The following WNK2 variants were observed in gnomAD, a reference collection of about 807,000 sequenced individuals.
WNK2 encodes serine/threonine-protein kinase WNK2.
In WNK2, 67 loss-of-function variants were observed where a neutral mutation model predicts 192.1. The observed-to-expected ratio is 0.35, with a 90% CI of 0.29 to 0.43. The LOEUF (loss-of-function observed/expected upper bound fraction) is 0.43, where lower values mean the gene tolerates loss of function less well. WNK2 is among the 20% of genes least tolerant of loss of function. The pLI is 1.00. For missense variants in WNK2, 2,698 were observed against 3,089.7 expected (o/e 0.87, Z 3.01); for synonymous variants, 1,439 against 1,393.9 (o/e 1.03, Z -0.72).
chr9:93,261,439 C>G (rs888186565), intron 12 of WNK2, among the ~76,000 whole-genome samples: 1 of 152,214 alleles, frequency 6.6e-6, no homozygotes, highest in Non-Finnish European at 1.5e-5. Flanking sequence ...GCCCTATGCA[C>G]ACTCTGACCG....
At chr9:93,226,298 A>C (rs1345465642) in intron 2 of WNK2, among the ~76,000 whole-genome samples, 1 of 152,186 alleles carries the variant, frequency 6.6e-6, no homozygotes, top group African/African-American at 2.4e-5. Context: ...CAGCTCAGGG[A>C]AATGCTATTC....
intron 2 of WNK2, among the ~76,000 whole-genome samples, chr9:93,194,014 A>T (rs1830800555): frequency 6.6e-6 from 1 of 152,228 alleles, no homozygotes; most frequent in African/African-American, 2.4e-5. Flanking sequence ...AGACAAGATC[A>T]TCTTTTCAAC....
intron 8 of WNK2, among the ~76,000 whole-genome samples, chr9:93,250,782 C>CTT (rs35468086): frequency 0.13 from 14,936 of 118,528 alleles, 1,519 homozygotes; most frequent in Non-Finnish European, 0.15. Flanking sequence ...AACTCATTCA[C>CTT]TTTTTTTTTT....
chr9:93,297,832 C>T (rs898052385), intron 23 of WNK2, 21 bp from the exon 24 acceptor site: 1 of 1,553,886 alleles, frequency 6.4e-7, no homozygotes, highest in East Asian at 2.4e-5. Flanking sequence ...CATCGGCGCT[C>T]CCTCCTGTCC....
chr9:93,296,495 C>T (rs1264659535), intron 23 of WNK2, among the ~76,000 whole-genome samples: 3 of 36,462 alleles, frequency 8.2e-5, no homozygotes, highest in South Asian at 1.5e-3. Flanking sequence ...CCCTCCTCCC[C>T]CTCCATCCTC....
intron 23 of WNK2, among the ~76,000 whole-genome samples, chr9:93,294,257 T>C (rs1244327679): frequency 2.6e-5 from 4 of 152,032 alleles, no homozygotes; most frequent in African/African-American, 4.8e-5. Context: ...GTGCCATACA[T>C]TGAGGATATA....
intron 26 of WNK2, among the ~76,000 whole-genome samples, chr9:93,304,634 G>A (rs905891720): frequency 1.3e-5 from 2 of 152,250 alleles, no homozygotes; most frequent in Non-Finnish European, 2.9e-5. Context: ...AGAGCGAGTG[G>A]CAGGGGGCCA....
intron 28 of WNK2, among the ~76,000 whole-genome samples, chr9:93,310,303 C>T (rs1039554678): frequency 4.6e-5 from 7 of 152,198 alleles, no homozygotes; most frequent in Admixed American, 6.5e-5. Context: ...AGGCTGCACC[C>T]GGAGCCTGGG....
At chr9:93,267,407 C>G (rs1382733157) in intron 16 of WNK2, among the ~76,000 whole-genome samples, 1 of 152,158 alleles carries the variant, frequency 6.6e-6, no homozygotes, top group African/African-American at 2.4e-5. Flanking sequence ...TCTTCCCAGT[C>G]CCCGTCCTCG....
chr9:93,267,948 T>C (rs7856268), intron 17 of WNK2, 32 bp downstream of exon 17: 1,512,979 of 1,609,474 alleles, frequency 0.94, 713,490 homozygotes, highest in East Asian at 1. Context: ...TGGGAGGTGG[T>C]GAGAGTGCAG....
intron 4 of WNK2, 81 bp downstream of exon 4, chr9:93,231,189 G>C: frequency 7.2e-7 from 1 of 1,395,484 alleles, no homozygotes; most frequent in Non-Finnish European, 1.0e-6. Context: ...ATCCAGTTTT[G>C]TTCAGACCTG....
rs183731712 is a variant in WNK2 at position 93,222,884 on chromosome 9, A to T, written c.682-6812A>T. 5.3e-3 allele frequency among the ~76,000 whole-genome samples: 811 copies of T among 152,116 alleles called. 6 individuals are homozygous for T. Among genetic ancestry groups the T allele is most frequent in the African/African-American group, 0.018 (762 of 41,492 alleles). ...TTTAATAGAGATGAGGTTTCACCAC[A>T]TTGGCCAGGCTGGTCTCAAACTCCT... On this transcript the variant is annotated intron_variant, in intron 2 of 29. Coordinates refer to ENST00000427277, the MANE Select transcript of WNK2 (RefSeq NM_006648.4).
intron 28 of WNK2, among the ~76,000 whole-genome samples, chr9:93,315,013 C>G (rs1193187008): frequency 1.3e-5 from 2 of 152,182 alleles, no homozygotes; most frequent in Non-Finnish European, 2.9e-5. Flanking sequence ...ATCCCAAAAG[C>G]TGTTGCCACA....
At chr9:93,226,843 G>A (rs994958588) in intron 2 of WNK2, among the ~76,000 whole-genome samples, 5 of 152,074 alleles carry the variant, frequency 3.3e-5, no homozygotes, top group African/African-American at 4.8e-5. Context: ...ATTTGGATGG[G>A]TGCGGCATGG....
chr9:93,219,756 T>C (rs984930025), intron 2 of WNK2, among the ~76,000 whole-genome samples: 4 of 152,224 alleles, frequency 2.6e-5, no homozygotes, highest in Non-Finnish European at 5.9e-5. Context: ...TATTTGGAAA[T>C]AAAACACCCG....
chr9:93,270,491 G>GTA (rs1277062354), intron 19 of WNK2, among the ~76,000 whole-genome samples: 2 of 152,210 alleles, frequency 1.3e-5, no homozygotes, highest in Non-Finnish European at 2.9e-5. Flanking sequence ...GAAAATTTTA[G>GTA]CAGTGGGAAG....
intron 4 of WNK2, among the ~76,000 whole-genome samples, chr9:93,234,439 C>T (rs991440573): frequency 5.9e-5 from 9 of 152,146 alleles, no homozygotes; most frequent in Non-Finnish European, 1.3e-4. Flanking sequence ...TGGCTGCGGC[C>T]GAGCCTGTGG....
rs1166347241 is a variant in WNK2 at position 93,239,511 on chromosome 9, C to A, written c.1323-246C>A. Reference sequence around the variant, plus strand: ...CAAATCCTCTTTTGTATCATTGAATCTTTTATGAGCATGTTTTTTTTTTTT... The same window carrying A: ...CAAATCCTCTTTTGTATCATTGAATATTTTATGAGCATGTTTTTTTTTTTT... On this transcript the variant is annotated intron_variant, in intron 6 of 29. Transcript: ENST00000427277. This position sits in a 1 kb window ranked among gnomAD's most constrained non-coding sequence, Gnocchi z 4.2. Among the ~76,000 whole-genome samples the A allele has an allele frequency of 1.3e-5, 2 of 151,886 alleles. No homozygotes were observed. The highest frequency in any genetic ancestry group is 2.9e-5 in the Non-Finnish European group (2 of 67,976).
intron 2 of WNK2, among the ~76,000 whole-genome samples, chr9:93,205,644 G>A (rs1003244987): frequency 6.6e-6 from 1 of 152,250 alleles, no homozygotes; most frequent in Non-Finnish European, 1.5e-5. Flanking sequence ...GCCTCATCCC[G>A]TGGGGAGGTA....
Sources: gnomAD v4.1 joint callset for allele counts (sites outside exome capture counted in the v4.1 genomes callset) on GRCh38, gnomAD v4.1.1 for gene constraint, Gnocchi (gnomAD v3.1) non-coding constraint, MANE v1.5 for transcripts, NCBI Gene and HGNC (gene_info 2026-07-23, HGNC 2026-07-21) for gene names.